Variants in PRDM1 observed in about 807,000 individuals in gnomAD.
The protein encoded by PRDM1 is PR domain zinc finger protein 1.
PRDM1 carries 13 observed loss-of-function variants against 62.8 expected under a neutral mutation model. The ratio of observed to expected loss-of-function variants is 0.21; its 90% CI spans 0.13 to 0.33. The LOEUF (loss-of-function observed/expected upper bound fraction) is 0.33. PRDM1 is among the 10% of genes least tolerant of loss of function. The pLI, the probability that PRDM1 is intolerant of heterozygous loss-of-function variation, is 1.00. For synonymous variants in PRDM1, 396 were observed against 417.6 expected (o/e 0.95, Z 0.63); for missense variants, 895 against 1,058.8 (o/e 0.85, Z 2.15).
rs541759250 is a variant in PRDM1 at position 106,065,268 on chromosome 6, G to A, written c.-67+16554G>A. On this transcript the variant is annotated intron_variant, in intron 1 of 6. Coordinates refer to the PRDM1 transcript ENST00000651185. ...CTGCCTCAGCCTCCCAAGTAGCTGG[G>A]ACTACAGACATGTGCCACCACACAA... Among the ~76,000 whole-genome samples the A allele has an allele frequency of 6.6e-5, 10 of 152,196 alleles. No individual in the cohort carries two copies. The East Asian group carries it at 1.9e-3, about 29-fold the overall frequency.
chr6:106,086,051 G>A (rs978832596), upstream of PRDM1, among the ~76,000 whole-genome samples: 1 of 152,144 alleles, frequency 6.6e-6, no homozygotes, highest in Non-Finnish European at 1.5e-5. Flanking sequence ...AGGAACGTGC[G>A]CCCCCTAATT....
At chr6:106,012,549 AC>A (rs1772571571) in intron 1 of PRDM1, among the ~76,000 whole-genome samples, 1 of 151,730 alleles carries the variant, frequency 6.6e-6, no homozygotes, top group South Asian at 2.1e-4. Context: ...CCAGCCCCAC[AC>A]ACCCAACACT....
chr6:106,079,634 C>T (rs1439627959), intron 1 of PRDM1, among the ~76,000 whole-genome samples: 1 of 152,170 alleles, frequency 6.6e-6, no homozygotes, highest in African/African-American at 2.4e-5. Flanking sequence ...CCTGTCTCTA[C>T]TAAAAATACA....
chr6:106,009,907 A>G (rs978999356), intron 1 of PRDM1, among the ~76,000 whole-genome samples: 1 of 152,136 alleles, frequency 6.6e-6, no homozygotes, highest in South Asian at 2.1e-4. Context: ...TAGTAGAGAC[A>G]GGGTTTCACC....
At position 106,055,730 on chromosome 6, in the gene PRDM1, G is replaced by GA. The variant is rs1773254696; in HGVS notation, c.-67+7022dup. ...AATTGAACATTTTATTGCTGCCGTTGAAAAAAGCTAGTTGGTGTTTATTAA... is the reference window on the plus strand; with the variant it reads ...AATTGAACATTTTATTGCTGCCGTTGAAAAAAAGCTAGTTGGTGTTTATTAA... On this transcript the variant is annotated intron_variant, in intron 1 of 6. Transcript: ENST00000651185. Among the ~76,000 whole-genome samples the GA allele has an allele frequency of 5.9e-5, 9 of 152,280 alleles. No individual in the cohort carries two copies. The South Asian group carries it at 1.9e-3, about 32-fold the overall frequency.
Position 106,056,567 on chromosome 6 carries a change from C to A in PRDM1, c.-67+7853C>A, listed in dbSNP as rs139793284. ...TCAGAAACAGCAAGAGAAGCTCCTG[C>A]GAAGGAAGTAGGTTTGAGTCTATTT... On this transcript the variant is annotated intron_variant, in intron 1 of 6. Transcript: ENST00000651185. Among the ~76,000 whole-genome samples, 9 of 152,214 alleles carry A rather than the reference C, an allele frequency of 5.9e-5. No homozygotes were observed. The East Asian group carries it at 1.7e-3, about 29-fold the overall frequency.
In PRDM1 at chr6:106,108,036, C is replaced by G. The variant is rs1433101448; in HGVS notation, c.*550C>G. 1 of 232,960 alleles carries G rather than the reference C, an allele frequency of 4.3e-6. No homozygotes were observed. The highest frequency in any genetic ancestry group is 8.5e-6 in the Non-Finnish European group (1 of 117,712). The allele number at this position is 232,960 out of a possible 1,614,324, so 14.4% of individuals were successfully genotyped here. Reference sequence around the variant, plus strand: ...AAATATATGACTTCAGTCAACCTCTCTCTCTAATAATGGTTTGAAAATGAG... The same window carrying G: ...AAATATATGACTTCAGTCAACCTCTGTCTCTAATAATGGTTTGAAAATGAG... On this transcript the variant is annotated 3_prime_UTR_variant, in exon 7 of 7. Transcript: ENST00000369096.
intron 1 of PRDM1, among the ~76,000 whole-genome samples, chr6:106,016,605 T>C (rs1354308737): frequency 4.6e-5 from 7 of 151,802 alleles, no homozygotes; most frequent in African/African-American, 1.5e-4. Context: ...AACAAGGGTT[T>C]GAACTTTGAG....
intron 1 of PRDM1, among the ~76,000 whole-genome samples, chr6:106,041,809 C>CTTTTT (rs537352355): frequency 7.7e-6 from 1 of 129,880 alleles, no homozygotes; most frequent in Non-Finnish European, 1.7e-5. Flanking sequence ...GTATTTCTTT[C>CTTTTT]TTTTTTTTTT....
intron 1 of PRDM1, among the ~76,000 whole-genome samples, chr6:106,023,632 G>C (rs1772727506): frequency 6.6e-6 from 1 of 151,932 alleles, no homozygotes. Context: ...TAGACTCTTA[G>C]TTCTTCCTTA....
At chr6:106,045,673 ATC>A (rs2114578845), upstream of PRDM1, 1 of 152,314 alleles carries the variant, frequency 6.6e-6, no homozygotes, top group South Asian at 2.1e-4. Context: ...CAAAGGCTAA[ATC>A]TCTGTTTGCT....
chr6:106,073,254 A>T (rs953931599), intron 1 of PRDM1, among the ~76,000 whole-genome samples: 2 of 152,066 alleles, frequency 1.3e-5, no homozygotes, highest in African/African-American at 2.4e-5. Flanking sequence ...AGCTGGGATT[A>T]CAGGCGCCCA....
At chr6:106,090,867 C>T (rs1271007468) in intron 2 of PRDM1, among the ~76,000 whole-genome samples, 2 of 150,476 alleles carry the variant, frequency 1.3e-5, no homozygotes. Flanking sequence ...GAATTTGTAC[C>T]ATGTGTCAGC....
upstream of PRDM1, chr6:106,086,331 C>T (rs1317617644): frequency 6.3e-6 from 3 of 474,588 alleles, no homozygotes; most frequent in Non-Finnish European, 1.1e-5. Flanking sequence ...GGAAGCCAGA[C>T]GGTTAACACA....
Position 106,105,650 on chromosome 6 carries a change from C to T in PRDM1, c.1490C>T (p.Ser497Phe), listed in dbSNP as rs1443004497. 6 of 1,612,764 alleles carry T rather than the reference C, an allele frequency of 3.7e-6. No individual in the cohort carries two copies. The highest frequency in any genetic ancestry group is 1.1e-5 in the South Asian group (1 of 91,044). ...VLVPAPHSAF[S>F]FTGAAASMKD... ...GTCCCGGCGCCCCACAGTGCCTTCT[C>T]CTTTACCGGGGCCGCCGCCAGCATG... The change falls in exon 5 of 7, where the codon TCC (serine) becomes TTC (phenylalanine). Residue 497 changes from serine to phenylalanine, a missense_variant. Transcript: ENST00000369096.
chr6:106,068,536 T>G (rs1328436972), intron 1 of PRDM1, among the ~76,000 whole-genome samples: 2 of 152,188 alleles, frequency 1.3e-5, no homozygotes, highest in African/African-American at 4.8e-5. Flanking sequence ...AAATTTGTAT[T>G]TATAGAAACC....
At chr6:106,090,038 A>C (rs1174945546) in intron 2 of PRDM1, among the ~76,000 whole-genome samples, 1 of 152,216 alleles carries the variant, frequency 6.6e-6, no homozygotes, top group African/African-American at 2.4e-5. Context: ...TAGCTAAGTC[A>C]AGTAATGCTC....
At chr6:106,062,494 G>A (rs981634942) in intron 1 of PRDM1, among the ~76,000 whole-genome samples, 6 of 152,188 alleles carry the variant, frequency 3.9e-5, no homozygotes, top group Non-Finnish European at 5.9e-5. Context: ...TGATGGGAAT[G>A]TGGAGGAAGC....
Position 106,088,226 on chromosome 6 carries a change from C to T in PRDM1, c.68C>T (p.Thr23Ile), listed in dbSNP as rs1410544307. 6.2e-7 allele frequency: 1 copy of T among 1,613,340 alleles called. No homozygotes were observed. The highest frequency in any genetic ancestry group is 1.1e-5 in the South Asian group (1 of 90,978). ...GCTGCCCCCAAGTGTAACTCCAGCA[C>T]TGTGAGGTTTCAGGGATTGGCAGAG... ...TLAAPKCNSS[T>I]VRFQGLAEGT... is the part of the protein sequence containing the mutation. The change falls in exon 2 of 7, where the codon ACT (threonine) becomes ATT (isoleucine). Residue 23 changes from threonine to isoleucine, a missense_variant. By Grantham distance (89) the Thr-to-Ile change is moderately conservative. This residue lies in a region of PRDM1 where 213 missense variants were observed against 283.9 expected (regional missense o/e 0.75). Coordinates refer to ENST00000369096, the MANE Select transcript of PRDM1 (RefSeq NM_001198.4).
Sources: gnomAD v4.1 joint callset for allele counts (sites outside exome capture counted in the v4.1 genomes callset) on GRCh38, gnomAD v4.1.1 for gene constraint, gnomAD v4.1.1 regional missense constraint, MANE v1.5 for transcripts, NCBI Gene and HGNC (gene_info 2026-07-23, HGNC 2026-07-21) for gene names.